The following FZR1 variants were observed in gnomAD, a reference collection of about 807,000 sequenced individuals.
The protein encoded by FZR1 is fizzy and cell division cycle 20 related 1.
A neutral mutation model predicts 63.6 loss-of-function variants in FZR1; 11 were observed. That is an observed-to-expected ratio of 0.17 (90% CI 0.11 to 0.29). The LOEUF is 0.29. Ranked by LOEUF, FZR1 falls within the 10% of genes least tolerant of loss-of-function variation. The pLI is 1.00. For synonymous variants in FZR1, 328 were observed against 297.9 expected (o/e 1.10, Z -1.04); for missense variants, 440 against 687.5 (o/e 0.64, Z 4.03).
chr19:3,516,167 A>G lies in FZR1; in HGVS notation c.-34-6789A>G, dbSNP rs1044657301. Among the ~76,000 whole-genome samples the G allele has an allele frequency of 1.3e-5, 2 of 152,198 alleles. No individual in the cohort carries two copies. Among genetic ancestry groups the G allele is most frequent in the Admixed American group, 6.5e-5 (1 of 15,286 alleles). ...TAGCAGTTTGCAGCTTCTGCCAACCATGAGTGCGTGTGGCTGTCTCTCCCC... is the reference window on the plus strand; with the variant it reads ...TAGCAGTTTGCAGCTTCTGCCAACCGTGAGTGCGTGTGGCTGTCTCTCCCC... On this transcript the variant is annotated intron_variant, in intron 1 of 13. Transcript: ENST00000441788. The surrounding 1 kb of genome is among the most constrained non-coding windows in gnomAD (Gnocchi z 6.0).
Position 3,532,794 on chromosome 19 carries a change from C to T in FZR1, c.1242+144C>T, listed in dbSNP as rs1187242742. 4 of 670,416 alleles carry T rather than the reference C, an allele frequency of 6.0e-6. No homozygotes were observed. The African/African-American group carries it at 7.2e-5, about 12-fold the overall frequency. The allele number at this position is 670,416 out of a possible 1,614,324, so 41.5% of individuals were successfully genotyped here. A position where few individuals can be genotyped will look rare whatever the true frequency, so the allele number is the denominator to read the frequency against. On this transcript the variant is annotated intron_variant, in intron 11 of 13. Coordinates refer to ENST00000441788, the MANE Select transcript of FZR1 (RefSeq NM_016263.4). ...GGGCGAGGGAGGCCGAGCGGGGAGG[C>T]AGGGAGTTGTGGGGGGCAAGGCCCC...
At chr19:3,534,395 A>C in intron 12 of FZR1, 26 bp from the exon 13 acceptor site, 1 of 1,349,798 alleles carries the variant, frequency 7.4e-7, no homozygotes, top group South Asian at 1.2e-5. Flanking sequence ...GCCCAGAGAC[A>C]TGGGGTGCTT....
At chr19:3,522,629 C>T (rs1010330638) in intron 1 of FZR1, among the ~76,000 whole-genome samples, 2 of 152,208 alleles carry the variant, frequency 1.3e-5, no homozygotes, top group Non-Finnish European at 1.5e-5. Context: ...AGGCTGCCCA[C>T]GCTCAGGGAA....
intron 1 of FZR1, 61 bp from the exon 2 acceptor site, chr19:3,522,894 GC>G: frequency 1.2e-6 from 1 of 850,820 alleles, no homozygotes. Context: ...GTGCAGGCGA[GC>G]CCCGTGGTCT....
chr19:3,508,969 C>T (rs1416146569), intron 1 of FZR1, among the ~76,000 whole-genome samples: 1 of 152,184 alleles, frequency 6.6e-6, no homozygotes, highest in African/African-American at 2.4e-5. Context: ...TTGCCCACAG[C>T]GGGCCCCCTG....
chr19:3,525,144 C>T lies in FZR1; in HGVS notation c.70-724C>T, dbSNP rs542675339. On this transcript the variant is annotated intron_variant, in intron 2 of 13. Coordinates refer to ENST00000441788, the MANE Select transcript of FZR1 (RefSeq NM_016263.4). The surrounding 1 kb of genome is among the most constrained non-coding windows in gnomAD (Gnocchi z 4.2). Reference sequence around the variant, plus strand: ...GGTACAGCTGTTGCGTGTCTTGTGCCGTCAAGGCCTGCGTCTGTGATCATC... The same window carrying T: ...GGTACAGCTGTTGCGTGTCTTGTGCTGTCAAGGCCTGCGTCTGTGATCATC... Among the ~76,000 whole-genome samples, 2 of 152,166 alleles carry T rather than the reference C, an allele frequency of 1.3e-5. No individual in the cohort carries two copies. Among genetic ancestry groups the T allele is most frequent in the African/African-American group, 2.4e-5 (1 of 41,420 alleles).
intron 7 of FZR1, among the ~76,000 whole-genome samples, chr19:3,529,700 GC>G: frequency 2.9e-5 from 4 of 139,230 alleles, no homozygotes; most frequent in African/African-American, 7.5e-5. Flanking sequence ...GGATGGTTGA[GC>G]GGATGGGAGA....
Position 3,537,374 on chromosome 19 carries a change from G to A in FZR1, c.*2538G>A, listed in dbSNP as rs1260810512. On this transcript the variant is annotated 3_prime_UTR_variant, in exon 14 of 14. Transcript: ENST00000441788. The stretch of plus-strand genomic sequence containing the variant: ...TCCTGGGGCGACCCTGGCAGTGGTT[G>A]GGAGACGCCCAGATGGAGGGGGAGG... 6.6e-6 allele frequency: 1 copy of A among 152,298 alleles called. No individual in the cohort carries two copies. Among genetic ancestry groups the A allele is most frequent in the Non-Finnish European group, 1.5e-5 (1 of 68,086 alleles). 9.4% of individuals were successfully genotyped at this position (152,298 alleles called of 1,614,324 possible). A position where few individuals can be genotyped will look rare whatever the true frequency, so the allele number is the denominator to read the frequency against.
rs1301710648 is a variant in FZR1, at chr19:3,514,551, C to T, written c.-35+8077C>T. Among the ~76,000 whole-genome samples the T allele has an allele frequency of 6.6e-6, 1 of 152,162 alleles. No individual in the cohort carries two copies. The highest frequency in any genetic ancestry group is 2.4e-5 in the African/African-American group (1 of 41,432). On this transcript the variant is annotated intron_variant, in intron 1 of 13. Transcript: ENST00000441788. This position sits in a 1 kb window ranked among gnomAD's most constrained non-coding sequence, Gnocchi z 4.2. Reference sequence around the variant, plus strand: ...GGGCAGAATCACCCTGGTTAAGACCCCCTGGGTTATGGGATTCCATGGACC... The same window carrying T: ...GGGCAGAATCACCCTGGTTAAGACCTCCTGGGTTATGGGATTCCATGGACC...
In FZR1 at chr19:3,518,728, G is replaced by A. The variant is rs527519144; in HGVS notation, c.-34-4228G>A. ...AAATGTACTTCCTTTAGCAGGCATG[G>A]TGGTGCATGTCTCTGGTCCTAGCTA... On this transcript the variant is annotated intron_variant, in intron 1 of 13. Transcript: ENST00000441788. Among the ~76,000 whole-genome samples the A allele has an allele frequency of 2.0e-5, 3 of 152,328 alleles. No homozygotes were observed. The South Asian group carries it at 6.2e-4, about 32-fold the overall frequency.
At chr19:3,517,792 G>A (rs1299450769) in intron 1 of FZR1, among the ~76,000 whole-genome samples, 1 of 151,866 alleles carries the variant, frequency 6.6e-6, no homozygotes, top group Non-Finnish European at 1.5e-5. Flanking sequence ...CAAGGTCTCT[G>A]TGTGAAACAA....
intron 1 of FZR1, among the ~76,000 whole-genome samples, chr19:3,513,999 G>GC (rs1304800216): frequency 6.6e-6 from 1 of 152,214 alleles, no homozygotes; most frequent in African/African-American, 2.4e-5. Context: ...TCCCAGCCAA[G>GC]CAAGGCGTTG....
chr19:3,526,122 G>T lies in FZR1; in HGVS notation c.198G>T (p.Glu66Asp). 1 of 1,612,932 alleles carries T rather than the reference G, an allele frequency of 6.2e-7. No individual in the cohort carries two copies. Among genetic ancestry groups the T allele is most frequent in the East Asian group, 2.2e-5 (1 of 44,858 alleles). The stretch of plus-strand genomic sequence containing the variant: ...CCTCTCTGCTCTCCTGCCTGCAGGA[G>T]AATGAGAAGTCTCCCAGTCAGAACC... The part of the protein sequence containing the change: ...NWSVNFHRIN[E>D]NEKSPSQNRK... The change falls in exon 4 of 14, where the codon GAG (glutamate) becomes GAT (aspartate). Residue 66 changes from glutamate (E) to aspartate (D), a missense_variant and splice_region_variant. Physicochemically the swap from Glu to Asp is conservative, Grantham distance 45 (BLOSUM62 2). Coordinates refer to ENST00000441788, the MANE Select transcript of FZR1 (RefSeq NM_016263.4). The surrounding 1 kb of genome is among the most constrained non-coding windows in gnomAD (Gnocchi z 5.4).
chr19:3,525,682 TC>T lies in FZR1; in HGVS notation c.70-184del, dbSNP rs2083149242. 6.6e-6 allele frequency among the ~76,000 whole-genome samples: 1 copy of T among 152,078 alleles called. No homozygotes were observed. Among genetic ancestry groups the T allele is most frequent in the African/African-American group, 2.4e-5 (1 of 41,402 alleles). Reference sequence around the variant, plus strand: ...TGGTCTTGATCTCCTGACCTCGTGATCCGCCCGCCTCGGCCTCCCAAAGTGC... The same window carrying T: ...TGGTCTTGATCTCCTGACCTCGTGATCGCCCGCCTCGGCCTCCCAAAGTGC... On this transcript the variant is annotated intron_variant, in intron 2 of 13. Transcript: ENST00000441788. This position sits in a 1 kb window ranked among gnomAD's most constrained non-coding sequence, Gnocchi z 4.2.
chr19:3,514,198 G>A lies in FZR1; in HGVS notation c.-35+7724G>A, dbSNP rs1156571776. Among the ~76,000 whole-genome samples, 3 of 152,166 alleles carry A rather than the reference G, an allele frequency of 2.0e-5. No homozygotes were observed. Among genetic ancestry groups the A allele is most frequent in the South Asian group, 2.1e-4 (1 of 4,826 alleles). On this transcript the variant is annotated intron_variant, in intron 1 of 13. Coordinates refer to ENST00000441788, the MANE Select transcript of FZR1 (RefSeq NM_016263.4). This position sits in a 1 kb window ranked among gnomAD's most constrained non-coding sequence, Gnocchi z 4.2. ...TCAAAGTCGAGCCTGGAGACAAATCGTGCCGTGCCATTGGCCCCCACAAAC... is the reference window on the plus strand; with the variant it reads ...TCAAAGTCGAGCCTGGAGACAAATCATGCCGTGCCATTGGCCCCCACAAAC...
chr19:3,522,918 C>T, intron 1 of FZR1, 38 bp from the exon 2 acceptor site: 1 of 1,077,068 alleles, frequency 9.3e-7, no homozygotes, highest in South Asian at 1.2e-5. Context: ...GGGCAGCCGG[C>T]CCTGCCCCAC....
chr19:3,508,205 T>C (rs926861892), intron 1 of FZR1, among the ~76,000 whole-genome samples: 37 of 143,750 alleles, frequency 2.6e-4, no homozygotes, highest in Non-Finnish European at 3.8e-4. Context: ...ATTTTCTTTT[T>C]TTTTTTTTTT....
intron 1 of FZR1, among the ~76,000 whole-genome samples, chr19:3,510,100 G>C (rs2083014197): frequency 6.6e-6 from 1 of 151,692 alleles, no homozygotes; most frequent in African/African-American, 2.4e-5. Context: ...TTCCACCCCA[G>C]CCTTCCCAAA....
At chr19:3,524,576 A>G (rs1346006538) in intron 2 of FZR1, among the ~76,000 whole-genome samples, 1 of 152,106 alleles carries the variant, frequency 6.6e-6, no homozygotes, top group Non-Finnish European at 1.5e-5. Flanking sequence ...GACCCTACGC[A>G]AGCCTGTGTT....
Sources: gnomAD v4.1 joint callset for allele counts (sites outside exome capture counted in the v4.1 genomes callset) on GRCh38, gnomAD v4.1.1 for gene constraint, Gnocchi (gnomAD v3.1) non-coding constraint, MANE v1.5 for transcripts, NCBI Gene and HGNC (gene_info 2026-07-23, HGNC 2026-07-21) for gene names.